The following ANKMY1 variants were observed in gnomAD, a reference collection of about 807,000 sequenced individuals.
The protein encoded by ANKMY1 is ankyrin repeat and MYND domain containing 1, also known as ankyrin repeat and MYND domain-containing protein 1.
ANKMY1 carries 98 observed loss-of-function variants against 102.0 expected under a neutral mutation model. That is an observed-to-expected ratio of 0.96 (90% CI 0.82 to 1.14). The LOEUF (loss-of-function observed/expected upper bound fraction) is 1.14. Among genes scored for constraint, ANKMY1 ranks in the 50% most tolerant of loss-of-function variants. The pLI, the probability that ANKMY1 is intolerant of heterozygous loss-of-function variation, is 0.00. For synonymous variants in ANKMY1, 582 were observed against 559.9 expected (o/e 1.04, Z -0.56); for missense variants, 1,330 against 1,347.6 (o/e 0.99, Z 0.20).
In ANKMY1 at chr2:240,511,880, T is replaced by C; in HGVS notation, c.2267A>G (p.Glu756Gly). ...GGRTALHMACEREDDNKCARD... is the reference protein window; with the variant it reads ...GGRTALHMACGREDDNKCARD... ...CCTCACCTTGTTGTCATCCTCCCGCTCGCAGGCCATGTGCAGAGCCGTCCT... is the reference window on the plus strand; with the variant it reads ...CCTCACCTTGTTGTCATCCTCCCGCCCGCAGGCCATGTGCAGAGCCGTCCT... The change falls in exon 11 of 18, where the codon GAG becomes GGG. Residue 756 changes from glutamate to glycine, a missense_variant. Coordinates refer to ENST00000401804, the MANE Select transcript of ANKMY1 (RefSeq NM_001282771.3). The C allele has an allele frequency of 6.3e-7, 1 of 1,591,100 alleles. No homozygotes were observed.
intron 9 of ANKMY1, among the ~76,000 whole-genome samples, chr2:240,516,740 T>C (rs1337358766): frequency 6.6e-6 from 1 of 152,234 alleles, no homozygotes; most frequent in South Asian, 2.1e-4. Context: ...ATGTTTCTGA[T>C]AACTTTGGAG....
intron 9 of ANKMY1, among the ~76,000 whole-genome samples, chr2:240,513,991 G>A (rs1054511253): frequency 7.9e-5 from 12 of 152,250 alleles, no homozygotes; most frequent in African/African-American, 2.7e-4. Flanking sequence ...TGGGCAGCCC[G>A]CTGCTCCATG....
chr2:240,495,036 G>A (rs1392273012), intron 15 of ANKMY1, among the ~76,000 whole-genome samples: 1 of 152,046 alleles, frequency 6.6e-6, no homozygotes, highest in Non-Finnish European at 1.5e-5. Flanking sequence ...AAAAAACGAG[G>A]CCATACAGAG....
At chr2:240,478,176 A>G (rs2074985655), downstream of ANKMY1, among the ~76,000 whole-genome samples, 1 of 152,164 alleles carries the variant, frequency 6.6e-6, no homozygotes. Context: ...ATTGAAGCTG[A>G]GCACATGCCG....
At chr2:240,493,681 C>T (rs1292065282) in intron 15 of ANKMY1, among the ~76,000 whole-genome samples, 6 of 152,044 alleles carry the variant, frequency 3.9e-5, no homozygotes, top group Admixed American at 3.9e-4. Flanking sequence ...AGGTTGTGTG[C>T]TAGGGCCTGG....
intron 13 of ANKMY1, among the ~76,000 whole-genome samples, chr2:240,503,436 T>C (rs547006554): frequency 2.6e-4 from 39 of 152,306 alleles, no homozygotes; most frequent in Non-Finnish European, 5.3e-4. Context: ...GCCCCTTCCT[T>C]GGCCGTTCAA....
intron 15 of ANKMY1, among the ~76,000 whole-genome samples, chr2:240,485,575 A>G (rs2075957023): frequency 6.7e-6 from 1 of 149,098 alleles, no homozygotes; most frequent in Non-Finnish European, 1.5e-5. Context: ...CCTTTACCAC[A>G]TGAATCTTCT....
At chr2:240,534,775 C>T (rs1343708216) in intron 4 of ANKMY1, among the ~76,000 whole-genome samples, 1 of 152,086 alleles carries the variant, frequency 6.6e-6, no homozygotes, top group Non-Finnish European at 1.5e-5. Context: ...CTTTCTCAGT[C>T]ATCAATGGAA....
chr2:240,560,540 G>A, upstream of ANKMY1: 6 of 1,196,202 alleles, frequency 5.0e-6, no homozygotes, highest in Non-Finnish European at 6.4e-6. Flanking sequence ...GGGGACCCAA[G>A]CCCCAGCCTG....
intron 13 of ANKMY1, among the ~76,000 whole-genome samples, chr2:240,503,126 G>C (rs10180883): frequency 0.33 from 50,486 of 152,088 alleles, 9,764 homozygotes; most frequent in East Asian, 0.74. Flanking sequence ...GGAAGGCTGG[G>C]ACCTTTCCGG....
In ANKMY1 at chr2:240,506,640, G is replaced by A. The variant is rs969715023; in HGVS notation, c.2526+920C>T. 1.5e-4 allele frequency among the ~76,000 whole-genome samples: 23 copies of A among 148,854 alleles called. No individual in the cohort carries two copies. Among genetic ancestry groups the A allele is most frequent in the African/African-American group, 5.7e-4 (23 of 40,108 alleles). ...CTGGGTCTCGCCCCCCATTCCAGAC[G>A]CCTGAGTCTCACCCCCCTCCTCCTT... On this transcript the variant is annotated intron_variant, in intron 13 of 17. Coordinates refer to ENST00000401804, the MANE Select transcript of ANKMY1 (RefSeq NM_001282771.3). This position sits in a 1 kb window ranked among gnomAD's most constrained non-coding sequence, Gnocchi z 4.9.
intron 4 of ANKMY1, among the ~76,000 whole-genome samples, chr2:240,541,503 T>A (rs1425446493): frequency 1.7e-5 from 2 of 119,316 alleles, no homozygotes; most frequent in African/African-American, 7.7e-5. Context: ...ATGTTGTTGC[T>A]TTTTTTTTTT....
intron 9 of ANKMY1, among the ~76,000 whole-genome samples, chr2:240,513,354 T>TC (rs1340941740): frequency 6.6e-6 from 1 of 152,106 alleles, no homozygotes; most frequent in African/African-American, 2.4e-5. Flanking sequence ...ACTCACAGTG[T>TC]CCCCAGCCAT....
At chr2:240,493,412 GT>G (rs2076877943) in intron 15 of ANKMY1, among the ~76,000 whole-genome samples, 1 of 152,146 alleles carries the variant, frequency 6.6e-6, no homozygotes, top group South Asian at 2.1e-4. Flanking sequence ...GCTTTTTCAT[GT>G]TTCCTGTGTC....
chr2:240,550,759 G>GT (rs2091374669), intron 4 of ANKMY1, among the ~76,000 whole-genome samples: 2 of 152,158 alleles, frequency 1.3e-5, no homozygotes, highest in African/African-American at 4.8e-5. Flanking sequence ...ATTCTAATAT[G>GT]TTTAAATATA....
At chr2:240,476,854 T>C (rs2074889781), downstream of ANKMY1, among the ~76,000 whole-genome samples, 1 of 152,192 alleles carries the variant, frequency 6.6e-6, no homozygotes, top group African/African-American at 2.4e-5. Flanking sequence ...CTCTACGCAC[T>C]CCAGCAAGCC....
At chr2:240,537,019 C>T (rs993679340) in intron 4 of ANKMY1, among the ~76,000 whole-genome samples, 1 of 151,974 alleles carries the variant, frequency 6.6e-6, no homozygotes, top group African/African-American at 2.4e-5. Flanking sequence ...GCCACCGTAC[C>T]CATCCAAATA....
rs755251577 is a variant in ANKMY1 at position 240,529,479 on chromosome 2, G to A, written c.511C>T (p.Pro171Ser). The change falls in exon 5 of 18, where the codon CCA (proline) becomes TCA (serine). Residue 171 changes from proline to serine, a missense_variant. By Grantham distance (74) the Pro-to-Ser change is moderately conservative. Coordinates refer to ENST00000401804, the MANE Select transcript of ANKMY1 (RefSeq NM_001282771.3). This position sits in a 1 kb window ranked among gnomAD's most constrained non-coding sequence, Gnocchi z 4.2. Reference sequence around the variant, plus strand: ...CCATCGGGGTAGGTCTCGACACCTGGCCCAAACCGCTGGTCCGCTTTGTAT... The same window carrying A: ...CCATCGGGGTAGGTCTCGACACCTGACCCAAACCGCTGGTCCGCTTTGTAT... ...GLYKADQRFG[P>S]GVETYPDGSQ... The A allele has an allele frequency of 3.1e-6, 5 of 1,613,482 alleles. No homozygotes were observed. The Admixed American group carries it at 8.3e-5, about 27-fold the overall frequency.
At chr2:240,536,064 A>T in intron 4 of ANKMY1, among the ~76,000 whole-genome samples, 1 of 152,226 alleles carries the variant, frequency 6.6e-6, no homozygotes, top group South Asian at 2.1e-4. Flanking sequence ...ACAAAAAACT[A>T]TCTAGAGCCT....
Sources: allele counts gnomAD v4.1 joint callset (sites outside exome capture counted in the v4.1 genomes callset), GRCh38; gene constraint gnomAD v4.1.1; non-coding constraint Gnocchi (gnomAD v3.1); transcripts MANE v1.5; gene names NCBI Gene and HGNC (gene_info 2026-07-23, HGNC 2026-07-21).